The following GALNT13 variants were observed in gnomAD, a reference collection of about 807,000 sequenced individuals.
GALNT13 encodes polypeptide N-acetylgalactosaminyltransferase 13, also known as UDP-GalNAc:polypeptide N-acetylgalactosaminyltransferase 13.
A neutral mutation model predicts 64.2 loss-of-function variants in GALNT13; 28 were observed. The ratio of observed to expected loss-of-function variants is 0.44; its 90% CI spans 0.32 to 0.60. GALNT13 has a LOEUF of 0.60. GALNT13 is among the 20% of genes least tolerant of loss of function. GALNT13 has a pLI of 0.05. For missense variants in GALNT13, 577 were observed against 669.8 expected, an observed-to-expected ratio of 0.86 and a Z score of 1.53; for synonymous variants, 214 against 224.6, an observed-to-expected ratio of 0.95 and a Z score of 0.42.
At chr2:153,505,808 T>C in the GALNT13 span, among the ~76,000 whole-genome samples, 4 of 152,156 alleles carry the variant, frequency 2.6e-5, no homozygotes, top group African/African-American at 9.7e-5. Context: ...GTTCCGTGTG[T>C]TAATGCATAG....
At chr2:153,844,589 C>T in the GALNT13 span, among the ~76,000 whole-genome samples, 3 of 152,204 alleles carry the variant, frequency 2.0e-5, no homozygotes, top group African/African-American at 7.2e-5. Flanking sequence ...TGTAGTTGTA[C>T]AAATTTCTCT....
At chr2:154,417,560 G>A (rs949977162) in intron 11 of GALNT13, among the ~76,000 whole-genome samples, 1 of 145,024 alleles carries the variant, frequency 6.9e-6, no homozygotes, top group Non-Finnish European at 1.5e-5. Context: ...GCCCAGGCTG[G>A]AGTGCAGTGA....
intron 2 of GALNT13, among the ~76,000 whole-genome samples, chr2:153,934,742 T>G (rs537413970): frequency 3.6e-4 from 55 of 152,196 alleles, no homozygotes; most frequent in Non-Finnish European, 6.6e-4. Flanking sequence ...GTGGGTTGCA[T>G]TACAGAAAAA....
At chr2:153,388,018 GGAA>G in the GALNT13 span, among the ~76,000 whole-genome samples, 58 of 151,366 alleles carry the variant, frequency 3.8e-4, no homozygotes, top group Non-Finnish European at 6.3e-4. Context: ...ATGAGTGGAA[GGAA>G]GGAGGGGGAG....
intron 3 of GALNT13, among the ~76,000 whole-genome samples, chr2:153,945,011 A>G (rs886694942): frequency 6.6e-6 from 1 of 152,182 alleles, no homozygotes; most frequent in Non-Finnish European, 1.5e-5. Context: ...AAAAACCACT[A>G]AAGTGAGACA....
intron 11 of GALNT13, among the ~76,000 whole-genome samples, chr2:154,411,907 T>TGAAC (rs1699813344): frequency 6.6e-6 from 1 of 151,728 alleles, no homozygotes; most frequent in South Asian, 2.1e-4. Context: ...GTCCATAAAA[T>TGAAC]GAACAAAAGA....
intron 9 of GALNT13, among the ~76,000 whole-genome samples, chr2:154,317,098 A>C (rs1390620529): frequency 6.6e-6 from 1 of 152,020 alleles, no homozygotes; most frequent in Non-Finnish European, 1.5e-5. Flanking sequence ...CTGTAGTCCC[A>C]GCTACTCAGG....
At chr2:154,019,007 G>A (rs1033641301) in intron 3 of GALNT13, among the ~76,000 whole-genome samples, 2 of 152,140 alleles carry the variant, frequency 1.3e-5, no homozygotes, top group African/African-American at 4.8e-5. Context: ...ATTGACTGTA[G>A]TAAAGAGATG....
the GALNT13 span, among the ~76,000 whole-genome samples, chr2:153,105,060 A>T: frequency 1.9e-5 from 2 of 105,784 alleles, no homozygotes; most frequent in African/African-American, 7.6e-5. Flanking sequence ...AACAATCCCC[A>T]GAGTGTGATG....
chr2:153,739,897 T>A, the GALNT13 span, among the ~76,000 whole-genome samples: 1 of 151,674 alleles, frequency 6.6e-6, no homozygotes, highest in Admixed American at 6.6e-5. Flanking sequence ...GCAGTTTGAG[T>A]TATGTCATTT....
rs538536875 is a variant in GALNT13 at position 154,039,945 on chromosome 2, T to C, written c.142+95306T>C. On this transcript the variant is annotated intron_variant, in intron 3 of 12. Coordinates refer to ENST00000392825, the MANE Select transcript of GALNT13 (RefSeq NM_052917.4). The stretch of plus-strand genomic sequence containing the variant: ...AAAAAAGTGTCTATAATTATTCAGG[T>C]ATAATTTTACACTGTTATCTGTAGC... Among the ~76,000 whole-genome samples the C allele has an allele frequency of 2.1e-5, 3 of 140,792 alleles. 1 individual carries two copies. Among genetic ancestry groups the C allele is most frequent in the Non-Finnish European group, 3.3e-5 (2 of 61,284 alleles). 92.4% of individuals were successfully genotyped at this position (140,792 alleles called of 152,430 possible).
the GALNT13 span, among the ~76,000 whole-genome samples, chr2:153,176,329 C>G: frequency 2.6e-5 from 4 of 152,022 alleles, no homozygotes; most frequent in Non-Finnish European, 5.9e-5. Context: ...TACACATTGT[C>G]TAGCATACAA....
chr2:154,359,744 A>T (rs762578179), intron 9 of GALNT13, among the ~76,000 whole-genome samples: 1 of 152,158 alleles, frequency 6.6e-6, no homozygotes, highest in Non-Finnish European at 1.5e-5. Flanking sequence ...TGATTAGTGC[A>T]TGTTGATACT....
At chr2:153,196,230 A>T in the GALNT13 span, among the ~76,000 whole-genome samples, 1 of 152,084 alleles carries the variant, frequency 6.6e-6, no homozygotes, top group Non-Finnish European at 1.5e-5. Flanking sequence ...TATCTGCCTC[A>T]TGCCACCATC....
Position 154,141,588 on chromosome 2 carries a change from C to T in GALNT13, c.311+1083C>T, listed in dbSNP as rs181696820. ...AGGAATCTTTCTGATTCATTATAAT[C>T]TTATGAGACTCTCATCATATATGTG... On this transcript the variant is annotated intron_variant, in intron 4 of 12. Coordinates refer to ENST00000392825, the MANE Select transcript of GALNT13 (RefSeq NM_052917.4). Among the ~76,000 whole-genome samples the T allele has an allele frequency of 2.2e-3, 342 of 152,224 alleles. 1 individual carries two copies. The highest frequency in any genetic ancestry group is 3.7e-3 in the Non-Finnish European group (251 of 68,010).
chr2:153,490,354 T>G, the GALNT13 span, among the ~76,000 whole-genome samples: 1 of 152,194 alleles, frequency 6.6e-6, no homozygotes, highest in African/African-American at 2.4e-5. Flanking sequence ...GTCATTTTCA[T>G]GGATAAAAGA....
the GALNT13 span, among the ~76,000 whole-genome samples, chr2:153,822,328 C>G: frequency 3.9e-5 from 6 of 152,024 alleles, no homozygotes; most frequent in African/African-American, 1.4e-4. Flanking sequence ...TGCCAAAATC[C>G]TCAGCAAAAT....
At chr2:153,889,080 T>G (rs1046298308) in intron 1 of GALNT13, among the ~76,000 whole-genome samples, 1 of 151,778 alleles carries the variant, frequency 6.6e-6, no homozygotes, top group Non-Finnish European at 1.5e-5. Flanking sequence ...GTGTGTGCTT[T>G]TCTGCAAAGC....
At chr2:153,714,612 A>T in the GALNT13 span, among the ~76,000 whole-genome samples, 1 of 152,332 alleles carries the variant, frequency 6.6e-6, no homozygotes, top group East Asian at 1.9e-4. Flanking sequence ...TGTTATAATT[A>T]AGGTAGAGAA....
Sources: gnomAD v4.1 joint callset for allele counts (sites outside exome capture counted in the v4.1 genomes callset) on GRCh38, gnomAD v4.1.1 for gene constraint, MANE v1.5 for transcripts, NCBI Gene and HGNC (gene_info 2026-07-23, HGNC 2026-07-21) for gene names.